Variants in KCTD19 observed in about 807,000 individuals in gnomAD.
KCTD19 encodes the protein BTB/POZ domain-containing protein KCTD19.
A neutral mutation model predicts 103.5 loss-of-function variants in KCTD19; 67 were observed. That is an observed-to-expected ratio of 0.65 (90% CI 0.53 to 0.79). KCTD19 has a LOEUF of 0.79. Among genes scored for constraint, KCTD19 ranks in the 30% least tolerant of loss-of-function variants. KCTD19 has a pLI of 0.00. For synonymous variants in KCTD19, 439 were observed against 452.2 expected (o/e 0.97, Z 0.37); for missense variants, 980 against 1,136.1 (o/e 0.86, Z 1.98).
Position 67,290,965 on chromosome 16 carries a change from G to T in KCTD19, c.2587C>A (p.Gln863Lys). 1 of 1,614,112 alleles carries T rather than the reference G, an allele frequency of 6.2e-7. No individual in the cohort carries two copies. Among genetic ancestry groups the T allele is most frequent in the Non-Finnish European group, 8.5e-7 (1 of 1,180,002 alleles). Residue 863 changes from glutamine to lysine, a missense_variant, in exon 15 of 16, where the codon CAG becomes AAG. Coordinates refer to ENST00000304372, the MANE Select transcript of KCTD19 (RefSeq NM_001100915.3). ...RLWTLHISPKQFVVDLLAITG... is the reference protein window; with the variant it reads ...RLWTLHISPKKFVVDLLAITG... ...ATGGCCAGCAAATCTACCACAAACT[G>T]CTTGGGGCTGATGTGCAGGGTCTGC...
Position 67,303,108 on chromosome 16 carries a change from C to CTGGGGGGGGGGGGGGGGGGGGGGGGGGGG in KCTD19, c.643+37_643+38insCCCCCCCCCCCCCCCCCCCCCCCCCCCCA. Reference sequence around the variant, plus strand: ...ATGGGGAGGGGTGAATGGGCCCTATCAGCCCGCCCCCCACCCCACCCCGGA... The same window carrying CTGGGGGGGGGGGGGGGGGGGGGGGGGGGG: ...ATGGGGAGGGGTGAATGGGCCCTATCTGGGGGGGGGGGGGGGGGGGGGGGGGGGGAGCCCGCCCCCCACCCCACCCCGGA... On this transcript the variant is annotated intron_variant, in intron 4 of 15. Coordinates refer to ENST00000304372, the MANE Select transcript of KCTD19 (RefSeq NM_001100915.3). This position sits in a 1 kb window ranked among gnomAD's most constrained non-coding sequence, Gnocchi z 4.3. 1 of 798,078 alleles carries CTGGGGGGGGGGGGGGGGGGGGGGGGGGGG rather than the reference C, an allele frequency of 1.3e-6. No individual in the cohort carries two copies. Among genetic ancestry groups the CTGGGGGGGGGGGGGGGGGGGGGGGGGGGG allele is most frequent in the Non-Finnish European group, 2.1e-6 (1 of 476,660 alleles). The allele number at this position is 798,078 out of a possible 1,614,324, so 49.4% of individuals were successfully genotyped here. A position where few individuals can be genotyped will look rare whatever the true frequency, so the allele number is the denominator to read the frequency against.
At chr16:67,292,648 G>T (rs2036712964) in intron 12 of KCTD19, among the ~76,000 whole-genome samples, 1 of 152,108 alleles carries the variant, frequency 6.6e-6, no homozygotes, top group African/African-American at 2.4e-5. Flanking sequence ...TGACAATACT[G>T]CAGGCAGGGC....
At chr16:67,304,339 C>G in intron 3 of KCTD19, 82 bp downstream of exon 3, 1 of 1,399,298 alleles carries the variant, frequency 7.1e-7, no homozygotes, top group South Asian at 1.2e-5. Flanking sequence ...TCTCTGCTCT[C>G]TGGATGGAAG....
rs2037055401 is a variant in KCTD19, at chr16:67,320,050, G to A, written c.300+539C>T. Reference sequence around the variant, plus strand: ...TAGTAAATCCCATTCTGGGTCCATGGTGGCTGCTAGTCTAACTAAAGCACA... The same window carrying A: ...TAGTAAATCCCATTCTGGGTCCATGATGGCTGCTAGTCTAACTAAAGCACA... On this transcript the variant is annotated intron_variant, in intron 2 of 15. Transcript: ENST00000304372. The surrounding 1 kb of genome is among the most constrained non-coding windows in gnomAD (Gnocchi z 4.0). 6.6e-6 allele frequency among the ~76,000 whole-genome samples: 1 copy of A among 152,200 alleles called. No homozygotes were observed. The highest frequency in any genetic ancestry group is 1.5e-5 in the Non-Finnish European group (1 of 68,038).
At chr16:67,315,801 G>A (rs775561142) in intron 2 of KCTD19, among the ~76,000 whole-genome samples, 3 of 151,988 alleles carry the variant, frequency 2.0e-5, no homozygotes, top group Admixed American at 6.6e-5. Context: ...TTTTAGCAGA[G>A]ATGGGGTTTC....
At chr16:67,314,861 AGAGAGAGAGAGAGG>A (rs1263332898) in intron 2 of KCTD19, among the ~76,000 whole-genome samples, 471 of 143,820 alleles carry the variant, frequency 3.3e-3, no homozygotes, top group Middle Eastern at 7.2e-3. Context: ...AGAGAGAGAG[AGAGAGAGAGAGAGG>A]GGAAGGGTCT....
At chr16:67,298,757 C>T (rs144123056) in intron 6 of KCTD19, among the ~76,000 whole-genome samples, 69 of 152,352 alleles carry the variant, frequency 4.5e-4, no homozygotes, top group African/African-American at 1.5e-3. Context: ...ATTTTGGTGC[C>T]AGTCTGTTTT....
At chr16:67,305,889 A>G (rs538710868) in intron 2 of KCTD19, among the ~76,000 whole-genome samples, 2 of 152,290 alleles carry the variant, frequency 1.3e-5, no homozygotes, top group South Asian at 4.1e-4. Flanking sequence ...TGGCCAAGCT[A>G]TAAACTGTGC....
intron 2 of KCTD19, among the ~76,000 whole-genome samples, chr16:67,314,340 G>T (rs751039309): frequency 6.6e-6 from 1 of 151,260 alleles, no homozygotes; most frequent in Non-Finnish European, 1.5e-5. Flanking sequence ...CAATTCAGTG[G>T]CTTTTAATCT....
rs1439795148 is a variant in KCTD19, at chr16:67,297,518, G to A, written c.1132C>T (p.Pro378Ser). Residue 378 changes from proline (P) to serine (S), a missense_variant, in exon 7 of 16, where the codon CCC becomes TCC. Physicochemically the swap from Pro to Ser is moderately conservative, Grantham distance 74. Transcript: ENST00000304372. Reference sequence around the variant, plus strand: ...TCTCACTTACTGAGCACATCCATGGGTGCCAAAGTCCTTGGCTCCAGATGA... The same window carrying A: ...TCTCACTTACTGAGCACATCCATGGATGCCAAAGTCCTTGGCTCCAGATGA... ...KTHLEPRTLA[P>S]MDVLNEWTAE... 6.2e-7 allele frequency: 1 copy of A among 1,613,986 alleles called. No homozygotes were observed.
At chr16:67,314,830 T>TATATATATATATATAGAG (rs1430877802) in intron 2 of KCTD19, among the ~76,000 whole-genome samples, 1 of 33,652 alleles carries the variant, frequency 3.0e-5, no homozygotes, top group African/African-American at 2.1e-4. Flanking sequence ...TATATATATA[T>TATATATATATATATAGAG]AGAGAGAGAG....
intron 2 of KCTD19, among the ~76,000 whole-genome samples, chr16:67,313,465 T>C (rs1318154959): frequency 6.6e-6 from 1 of 152,240 alleles, no homozygotes; most frequent in Non-Finnish European, 1.5e-5. Context: ...TGATTTTTTT[T>C]CAACCATCTA....
In KCTD19 at chr16:67,299,502, C is replaced by T. The variant is rs767208453; in HGVS notation, c.847G>A (p.Val283Met). The T allele has an allele frequency of 9.3e-6, 15 of 1,613,740 alleles. No homozygotes were observed. Among genetic ancestry groups the T allele is most frequent in the East Asian group, 2.2e-5 (1 of 44,866 alleles). ...KGARTASLES[V>M]KPLYTMALGL... ...AGGGCCATTGTGTAGAGCGGTTTCACGGACTCCAGGCTGGCTGTGCGGGCC... is the reference window on the plus strand; with the variant it reads ...AGGGCCATTGTGTAGAGCGGTTTCATGGACTCCAGGCTGGCTGTGCGGGCC... The change falls in exon 6 of 16, where the codon GTG becomes ATG. Residue 283 changes from valine to methionine, a missense_variant. Transcript: ENST00000304372.
intron 2 of KCTD19, among the ~76,000 whole-genome samples, chr16:67,308,433 G>A (rs2036916463): frequency 6.6e-6 from 1 of 151,944 alleles, no homozygotes; most frequent in African/African-American, 2.4e-5. Flanking sequence ...CCAAAGTGTT[G>A]GGATTACAGG....
At position 67,320,706 on chromosome 16, in the gene KCTD19, G is replaced by A; in HGVS notation, c.183C>T (p.Ser61=). ...GGTAATAGTGCACGTGCCTAAATGT[G>A]GAACCATCTCTGTCGATAAATAGCC... is the stretch of plus-strand genomic sequence containing the variant. ...SQRLFIDRDG[S]TFRHVHYYLY... Residue 61 remains serine (S), a synonymous_variant, in exon 2 of 16, where the codon TCC becomes TCT. Coordinates refer to ENST00000304372, the MANE Select transcript of KCTD19 (RefSeq NM_001100915.3). The surrounding 1 kb of genome is among the most constrained non-coding windows in gnomAD (Gnocchi z 4.0). 1.2e-6 allele frequency: 2 copies of A among 1,614,116 alleles called. No individual in the cohort carries two copies. Among genetic ancestry groups the A allele is most frequent in the South Asian group, 1.1e-5 (1 of 91,076 alleles).
intron 2 of KCTD19, among the ~76,000 whole-genome samples, chr16:67,319,358 C>T (rs1031933308): frequency 6.6e-5 from 10 of 152,178 alleles, no homozygotes; most frequent in African/African-American, 2.4e-4. Context: ...GGCCCAGATA[C>T]GCATGATCTA....
chr16:67,290,176 T>C (rs1253677397), intron 15 of KCTD19, among the ~76,000 whole-genome samples: 8 of 131,680 alleles, frequency 6.1e-5, no homozygotes, highest in Non-Finnish European at 9.8e-5. Context: ...TCTTTTTTTT[T>C]TTTTTTTTTT....
At chr16:67,316,570 C>CA (rs534818652) in intron 2 of KCTD19, among the ~76,000 whole-genome samples, 141 of 150,208 alleles carry the variant, frequency 9.4e-4, no homozygotes, top group Non-Finnish European at 1.7e-3. Context: ...ACAAAAACTA[C>CA]AAAAAAAAAG....
intron 6 of KCTD19, among the ~76,000 whole-genome samples, chr16:67,297,889 C>G (rs2036784924): frequency 2.0e-5 from 3 of 152,108 alleles, no homozygotes; most frequent in African/African-American, 7.2e-5. Context: ...CTCCCAGGTT[C>G]AAGCAATTCT....
Sources: allele counts gnomAD v4.1 joint callset (sites outside exome capture counted in the v4.1 genomes callset), GRCh38; gene constraint gnomAD v4.1.1; non-coding constraint Gnocchi (gnomAD v3.1); transcripts MANE v1.5; gene names NCBI Gene and HGNC (gene_info 2026-07-23, HGNC 2026-07-21).